ARHGAP24: variants seen among roughly 807,000 people sequenced by gnomAD.
ARHGAP24 encodes the protein rho GTPase-activating protein 24.
A neutral mutation model predicts 76.4 loss-of-function variants in ARHGAP24; 50 were observed. The ratio of observed to expected loss-of-function variants is 0.65; its 90% confidence interval spans 0.52 to 0.83. ARHGAP24 has a LOEUF of 0.83. ARHGAP24 is among the 40% of genes least tolerant of loss of function. ARHGAP24 has a pLI of 0.00. For missense variants in ARHGAP24, 930 were observed against 914.2 expected (o/e 1.02, Z -0.22); for synonymous variants, 345 against 323.3 (o/e 1.07, Z -0.72).
intron 3 of ARHGAP24, among the ~76,000 whole-genome samples, chr4:85,755,500 T>C (rs1446925228): frequency 6.6e-6 from 1 of 152,158 alleles, no homozygotes; most frequent in Non-Finnish European, 1.5e-5. Context: ...CTTCAGTGAC[T>C]GAAGAGCATG....
intron 2 of ARHGAP24, among the ~76,000 whole-genome samples, chr4:85,657,436 G>T (rs985043506): frequency 9.2e-5 from 14 of 152,074 alleles, no homozygotes; most frequent in South Asian, 2.1e-4. Context: ...AAATACAAGA[G>T]AAAAATTTTC....
At chr4:85,966,014 C>A (rs189395) in intron 5 of ARHGAP24, among the ~76,000 whole-genome samples, 2 of 151,960 alleles carry the variant, frequency 1.3e-5, no homozygotes, top group Non-Finnish European at 2.9e-5. Context: ...AGAAACTTCT[C>A]ATTTCACAGT....
chr4:85,507,926 G>A (rs973738981), intron 1 of ARHGAP24, among the ~76,000 whole-genome samples: 12 of 151,784 alleles, frequency 7.9e-5, no homozygotes, highest in Non-Finnish European at 1.5e-4. Context: ...ATTCTTATTA[G>A]AAAAGTATCT....
At chr4:85,774,196 T>C (rs7682809) in intron 3 of ARHGAP24, among the ~76,000 whole-genome samples, 146,083 of 152,230 alleles carry the variant, frequency 0.96, 70,405 homozygotes, top group East Asian at 1. Flanking sequence ...AACAATATGT[T>C]TGAGTCCCAG....
chr4:85,649,243 T>C (rs562350754), intron 2 of ARHGAP24, among the ~76,000 whole-genome samples: 1 of 152,236 alleles, frequency 6.6e-6, no homozygotes, highest in African/African-American at 2.4e-5. Context: ...TCAGTAGCGA[T>C]TCTCTATTCT....
chr4:85,742,141 A>G (rs945469266), intron 3 of ARHGAP24, among the ~76,000 whole-genome samples: 3 of 152,180 alleles, frequency 2.0e-5, no homozygotes, highest in Non-Finnish European at 4.4e-5. Context: ...ACCATCTGCC[A>G]CTGTTTGGCA....
intron 5 of ARHGAP24, among the ~76,000 whole-genome samples, chr4:85,948,969 C>T (rs1251015322): frequency 6.6e-6 from 1 of 152,116 alleles, no homozygotes; most frequent in Non-Finnish European, 1.5e-5. Context: ...TGCTCTTGTA[C>T]TACCTTAACA....
intron 3 of ARHGAP24, among the ~76,000 whole-genome samples, chr4:85,855,955 T>C (rs1731533767): frequency 6.6e-6 from 1 of 152,152 alleles, no homozygotes; most frequent in Non-Finnish European, 1.5e-5. Context: ...TGAACTATTA[T>C]GGCTAAAACT....
chr4:85,476,523 C>T (rs7679833), intron 1 of ARHGAP24, among the ~76,000 whole-genome samples: 4,315 of 152,198 alleles, frequency 0.028, 222 homozygotes, highest in African/African-American at 0.098. Context: ...GTTGTTAAGG[C>T]TTTGCTTATA....
At chr4:85,700,414 AATAAAG>A (rs879863107) in intron 2 of ARHGAP24, among the ~76,000 whole-genome samples, 1,487 of 35,564 alleles carry the variant, frequency 0.042, 43 homozygotes, top group Middle Eastern at 0.15. Flanking sequence ...AAAATAAATA[AATAAAG>A]AAGAAGAAGA....
intron 3 of ARHGAP24, among the ~76,000 whole-genome samples, chr4:85,839,911 G>T (rs1386699898): frequency 7.9e-6 from 1 of 126,914 alleles, no homozygotes; most frequent in African/African-American, 3.0e-5. Context: ...GTGCAGTGGC[G>T]CAACCTTGGC....
intron 2 of ARHGAP24, among the ~76,000 whole-genome samples, chr4:85,701,587 A>G (rs547720441): frequency 5.9e-5 from 9 of 152,320 alleles, no homozygotes; most frequent in African/African-American, 1.9e-4. Flanking sequence ...AAATACATCA[A>G]TCAATGAAGA....
chr4:85,585,977 C>T (rs1727841790), intron 2 of ARHGAP24, among the ~76,000 whole-genome samples: 1 of 152,148 alleles, frequency 6.6e-6, no homozygotes, highest in South Asian at 2.1e-4. Context: ...GGAATCCCTC[C>T]AATTTTCTAG....
intron 3 of ARHGAP24, among the ~76,000 whole-genome samples, chr4:85,738,990 G>C (rs1725711039): frequency 6.6e-6 from 1 of 152,122 alleles, no homozygotes; most frequent in Non-Finnish European, 1.5e-5. Context: ...GCTGGAGGGA[G>C]GATCCCCAAG....
intron 3 of ARHGAP24, among the ~76,000 whole-genome samples, chr4:85,742,979 G>T (rs1056253649): frequency 3.3e-5 from 5 of 152,060 alleles, no homozygotes; most frequent in African/African-American, 1.2e-4. Flanking sequence ...ATTTACAGGG[G>T]CCCTGGAGAT....
chr4:85,647,535 C>T (rs1383465686), intron 2 of ARHGAP24, among the ~76,000 whole-genome samples: 1 of 151,990 alleles, frequency 6.6e-6, no homozygotes, highest in Non-Finnish European at 1.5e-5. Context: ...ATAAGTTAGC[C>T]TAACACTTAC....
At chr4:85,655,651 C>T (rs4447855) in intron 2 of ARHGAP24, among the ~76,000 whole-genome samples, 40,046 of 151,066 alleles carry the variant, frequency 0.27, 7,422 homozygotes, top group East Asian at 0.84. Context: ...TGTGATGGCA[C>T]GTGCCTGCTA....
intron 4 of ARHGAP24, chr4:85,930,355 G>A (rs974165008): frequency 5.5e-5 from 54 of 985,050 alleles, no homozygotes; most frequent in Non-Finnish European, 6.4e-5. Context: ...AAGCAGGGGG[G>A]TCCTTTGAAA....
intron 3 of ARHGAP24, among the ~76,000 whole-genome samples, chr4:85,731,597 G>A (rs954439281): frequency 3.3e-5 from 5 of 152,110 alleles, no homozygotes; most frequent in African/African-American, 1.2e-4. Flanking sequence ...TCCTAGAGAA[G>A]TTCATTAACT....
Sources: gnomAD v4.1 joint callset for allele counts (sites outside exome capture counted in the v4.1 genomes callset) on GRCh38, gnomAD v4.1.1 for gene constraint, MANE v1.5 for transcripts, NCBI Gene and HGNC (gene_info 2026-07-23, HGNC 2026-07-21) for gene names.